Variants in IL15 observed in about 807,000 individuals in gnomAD.
IL15 encodes the protein interleukin 15, also known as interleukin-15.
A neutral mutation model predicts 19.6 loss-of-function variants in IL15; 11 were observed. The observed-to-expected ratio is 0.56, with a 90% confidence interval of 0.35 to 0.93. The LOEUF (loss-of-function observed/expected upper bound fraction) is 0.93. Ranked by LOEUF, IL15 falls within the 40% of genes least tolerant of loss-of-function variation. The pLI, the probability that IL15 is intolerant of heterozygous loss-of-function variation, is 0.01. For missense variants in IL15, 197 were observed against 186.5 expected, an observed-to-expected ratio of 1.06 and a Z score of -0.33; for synonymous variants, 58 against 59.6, an observed-to-expected ratio of 0.97 and a Z score of 0.12.
intron 5 of IL15, among the ~76,000 whole-genome samples, chr4:141,724,083 T>C (rs1579054010): frequency 6.6e-6 from 1 of 152,140 alleles, no homozygotes; most frequent in Admixed American, 6.5e-5. Context: ...AAAGAAACTT[T>C]AAAAATTTTT....
chr4:141,704,986 G>A (rs1382177161), intron 2 of IL15, among the ~76,000 whole-genome samples: 2 of 151,060 alleles, frequency 1.3e-5, no homozygotes, highest in Admixed American at 6.6e-5. Flanking sequence ...TTTACCATAG[G>A]TAAAGGTTTG....
At chr4:141,680,529 T>C (rs1165654594) in intron 2 of IL15, among the ~76,000 whole-genome samples, 1 of 152,202 alleles carries the variant, frequency 6.6e-6, no homozygotes, top group Non-Finnish European at 1.5e-5. Flanking sequence ...TAAAGTTCCA[T>C]AAATTTGATC....
chr4:141,702,506 G>A (rs1248931904), intron 2 of IL15, among the ~76,000 whole-genome samples: 1 of 152,226 alleles, frequency 6.6e-6, no homozygotes, highest in Non-Finnish European at 1.5e-5. Context: ...TAGGCTTAGT[G>A]TGCTGGCTTT....
At chr4:141,693,190 CAA>C (rs1218008691) in intron 2 of IL15, among the ~76,000 whole-genome samples, 1 of 151,940 alleles carries the variant, frequency 6.6e-6, no homozygotes, top group Admixed American at 6.6e-5. Context: ...GCAATAGAGA[CAA>C]TGCAGGAGAA....
At chr4:141,666,081 A>ATCATTTAT (rs1727963589) in intron 2 of IL15, among the ~76,000 whole-genome samples, 1 of 143,358 alleles carries the variant, frequency 7.0e-6, no homozygotes, top group African/African-American at 2.5e-5. Context: ...CTTTTTATTT[A>ATCATTTAT]TTATTTATTT....
intron 2 of IL15, among the ~76,000 whole-genome samples, chr4:141,690,582 C>T (rs565559093): frequency 5.1e-4 from 78 of 152,326 alleles, no homozygotes; most frequent in Middle Eastern, 3.4e-3. Context: ...GCTACTTTCT[C>T]GATTTAGGTT....
At chr4:141,692,587 G>A (rs1249434574) in intron 2 of IL15, among the ~76,000 whole-genome samples, 2 of 151,960 alleles carry the variant, frequency 1.3e-5, no homozygotes, top group East Asian at 1.9e-4. Context: ...TTCTTCTGCC[G>A]GATACCCTAA....
intron 1 of IL15, among the ~76,000 whole-genome samples, chr4:141,646,926 T>C (rs927382227): frequency 6.6e-5 from 10 of 152,060 alleles, no homozygotes; most frequent in African/African-American, 2.4e-4. Context: ...TATGGTAGTC[T>C]CTCAACAAAT....
At chr4:141,659,886 G>C (rs1355088981) in intron 2 of IL15, among the ~76,000 whole-genome samples, 1 of 150,274 alleles carries the variant, frequency 6.7e-6, no homozygotes, top group Non-Finnish European at 1.5e-5. Flanking sequence ...ACATTTTTTA[G>C]GTTCAGCTTC....
chr4:141,728,091 T>A, intron 6 of IL15, 107 bp downstream of exon 6: 1 of 608,352 alleles, frequency 1.6e-6, no homozygotes, highest in Non-Finnish European at 2.8e-6. Flanking sequence ...TAACTTTTGG[T>A]GTGTTTCTAT....
At chr4:141,650,085 A>G (rs1259675239) in intron 1 of IL15, among the ~76,000 whole-genome samples, 1 of 152,088 alleles carries the variant, frequency 6.6e-6, no homozygotes, top group Admixed American at 6.6e-5. Context: ...TATAAAAGCA[A>G]AAGTGGTGGA....
intron 3 of IL15, among the ~76,000 whole-genome samples, 173 bp downstream of exon 3, chr4:141,719,649 T>C (rs553530261): frequency 6.4e-4 from 97 of 152,306 alleles, no homozygotes; most frequent in Middle Eastern, 3.4e-3. Context: ...TTTTAAAAAC[T>C]CTATTGACCA....
chr4:141,728,114 A>G, intron 6 of IL15, 130 bp downstream of exon 6: 1 of 556,784 alleles, frequency 1.8e-6, no homozygotes, highest in Non-Finnish European at 3.1e-6. Context: ...TATATGGTCA[A>G]TGAGTTTTAT....
chr4:141,679,440 CT>C lies in IL15; in HGVS notation c.-100+23135del, dbSNP rs1252781467. Reference sequence around the variant, plus strand: ...TTGAATACTCATGGGGCTTGTCATACTTAATCAAGTTATAAGATTATTTTCC... The same window carrying C: ...TTGAATACTCATGGGGCTTGTCATACTAATCAAGTTATAAGATTATTTTCC... On this transcript the variant is annotated intron_variant, in intron 2 of 7. Transcript: ENST00000320650. 4.1e-4 allele frequency among the ~76,000 whole-genome samples: 62 copies of C among 152,280 alleles called. No homozygotes were observed. In the Middle Eastern group the frequency reaches 0.027, roughly 67 times the overall value.
chr4:141,675,539 C>T (rs2152169734), intron 2 of IL15, among the ~76,000 whole-genome samples: 1 of 152,268 alleles, frequency 6.6e-6, no homozygotes, highest in African/African-American at 2.4e-5. Flanking sequence ...TGATCTCTTG[C>T]AGTTCTCGAG....
intron 1 of IL15, among the ~76,000 whole-genome samples, chr4:141,642,589 G>T (rs1042656114): frequency 5.9e-5 from 9 of 152,170 alleles, no homozygotes; most frequent in Middle Eastern, 3.2e-3. Context: ...TGCGAAATAA[G>T]CTCTAGTAGG....
intron 2 of IL15, among the ~76,000 whole-genome samples, chr4:141,663,129 T>A (rs1270094599): frequency 6.6e-6 from 1 of 152,184 alleles, no homozygotes; most frequent in East Asian, 1.9e-4. Context: ...ATTTATCATA[T>A]TAATTGGTCT....
chr4:141,700,013 G>A (rs1367227062), intron 2 of IL15, among the ~76,000 whole-genome samples: 2 of 152,022 alleles, frequency 1.3e-5, no homozygotes, highest in African/African-American at 4.8e-5. Flanking sequence ...CCATCTCCCG[G>A]GTTCAGGCGA....
chr4:141,702,040 C>T (rs768219586), intron 2 of IL15, among the ~76,000 whole-genome samples: 34 of 152,126 alleles, frequency 2.2e-4, no homozygotes, highest in Non-Finnish European at 3.1e-4. Context: ...CAGTTGTGTC[C>T]GCAGTGATGT....
Sources: gnomAD v4.1 joint callset for allele counts (sites outside exome capture counted in the v4.1 genomes callset) on GRCh38, gnomAD v4.1.1 for gene constraint, MANE v1.5 for transcripts, NCBI Gene and HGNC (gene_info 2026-07-23, HGNC 2026-07-21) for gene names.